Variants in SUGP1 observed in about 807,000 individuals in gnomAD.
SUGP1 encodes SURP and G-patch domain containing 1, also known as SURP and G-patch domain-containing protein 1.
A neutral mutation model predicts 76.5 loss-of-function variants in SUGP1; 34 were observed. That is an observed-to-expected ratio of 0.44 (90% CI 0.34 to 0.59). The LOEUF (loss-of-function observed/expected upper bound fraction) is 0.59, where lower values mean the gene tolerates loss of function less well. Among genes scored for constraint, SUGP1 ranks in the 20% least tolerant of loss-of-function variants. The pLI is 0.01. For synonymous variants in SUGP1, 326 were observed against 326.2 expected, an observed-to-expected ratio of 1.00 and a Z score of 0.01; for missense variants, 752 against 851.7, an observed-to-expected ratio of 0.88 and a Z score of 1.46.
At chr19:19,276,775 G>T in intron 13 of SUGP1, 101 bp from the exon 14 acceptor site, 1 of 1,580,540 alleles carries the variant, frequency 6.3e-7, no homozygotes, top group Non-Finnish European at 8.6e-7. Context: ...CCGCACCCTT[G>T]AGGTGGCAGG....
intron 8 of SUGP1, among the ~76,000 whole-genome samples, chr19:19,293,632 T>C (rs1264396062): frequency 5.9e-5 from 9 of 151,400 alleles, no homozygotes; most frequent in Non-Finnish European, 5.9e-5. Flanking sequence ...AAAGCCCATA[T>C]ATAAAAAACA....
chr19:19,303,937 G>GT (rs1418245825), intron 4 of SUGP1, 90 bp from the exon 5 acceptor site: 1 of 1,603,044 alleles, frequency 6.2e-7, no homozygotes, highest in Admixed American at 1.7e-5. Context: ...GACAGAGGGG[G>GT]TGGGGGGAGA....
intron 2 of SUGP1, 66 bp from the exon 3 acceptor site, chr19:19,310,266 G>A (rs2061344487): frequency 4.3e-6 from 5 of 1,164,474 alleles, no homozygotes; most frequent in African/African-American, 1.5e-5. Context: ...ACCAGAGGAC[G>A]AGGATGAGGA....
At chr19:19,280,123 G>T in intron 9 of SUGP1, 62 bp downstream of exon 9, 1 of 1,491,768 alleles carries the variant, frequency 6.7e-7, no homozygotes, top group Non-Finnish European at 9.3e-7. Context: ...GCACCCGGGG[G>T]TAGAGGACAA....
rs2061289615 is a variant in SUGP1, at chr19:19,303,543, G to C, written c.663-95C>G. On this transcript the variant is annotated intron_variant, in intron 5 of 13. Transcript: ENST00000247001. The stretch of plus-strand genomic sequence containing the variant: ...CTATCGTGCAAAAAAAGGCAGGCTG[G>C]CGAGCAGGGACCCGAAAGCAAGTCT... The C allele has an allele frequency of 2.9e-6, 4 of 1,373,560 alleles. No individual in the cohort carries two copies. In the South Asian group the frequency reaches 4.8e-5, roughly 16 times the overall value. 85.1% of individuals were successfully genotyped at this position (1,373,560 alleles called of 1,614,324 possible).
At chr19:19,316,932 G>A (rs907493842) in intron 1 of SUGP1, among the ~76,000 whole-genome samples, 1 of 152,146 alleles carries the variant, frequency 6.6e-6, no homozygotes, top group African/African-American at 2.4e-5. Flanking sequence ...GAGGTCAGGA[G>A]ATCGAGACCA....
At position 19,310,161 on chromosome 19, in the gene SUGP1, CTTG is replaced by C. The variant is rs1244654254; in HGVS notation, c.243_245del (p.Asn81del). The C allele has an allele frequency of 1.9e-6, 3 of 1,613,784 alleles. No individual in the cohort carries two copies. Among genetic ancestry groups the C allele is most frequent in the Non-Finnish European group, 2.5e-6 (3 of 1,179,748 alleles). ...GCAAGAAGCTACCATCGTTGGCAAA[CTTG>C]TTGGAAATGCAGGAAGAGTTGTGTG... is the stretch of plus-strand genomic sequence containing the variant. On this transcript the variant is annotated inframe_deletion, in exon 3 of 14. Coordinates refer to ENST00000247001, the MANE Select transcript of SUGP1 (RefSeq NM_172231.4).
Position 19,297,205 on chromosome 19 carries a change from G to A in SUGP1, c.1027C>T (p.Leu343=). ...GLKRKSPPEA[L]SGSLPPATTC... ...GTGGCTGGGGGTAAGGACCCTGACA[G>A]GGCCTCAGGAGGGGACTTGCGCTTC... The change falls in exon 8 of 14, where the codon CTG becomes TTG. Residue 343 remains leucine, a synonymous_variant. Transcript: ENST00000247001. The A allele has an allele frequency of 6.2e-7, 1 of 1,604,688 alleles. No individual in the cohort carries two copies. Among genetic ancestry groups the A allele is most frequent in the South Asian group, 1.1e-5 (1 of 90,628 alleles).
chr19:19,301,105 G>C (rs73539457), intron 7 of SUGP1, among the ~76,000 whole-genome samples: 2,176 of 152,286 alleles, frequency 0.014, 53 homozygotes, highest in African/African-American at 0.049. Flanking sequence ...GAGTGGACTA[G>C]TGATCCAACC....
At position 19,277,074 on chromosome 19, in the gene SUGP1, C is replaced by T; in HGVS notation, c.1784G>A (p.Gly595Asp). 2 of 1,609,140 alleles carry T rather than the reference C, an allele frequency of 1.2e-6. No homozygotes were observed. The highest frequency in any genetic ancestry group is 8.5e-7 in the Non-Finnish European group (1 of 1,179,306). The stretch of plus-strand genomic sequence containing the variant: ...GCCAGCGCCGTCCACTGTGGTGGTG[C>T]CCCTACAGGGAGAAGAGGATGTGAG... ...GQGIKNPVNK[G>D]TTTVDGAGFG... Residue 595 changes from glycine to aspartate, a missense_variant and splice_region_variant, in exon 13 of 14, where the codon GGC becomes GAC. Physicochemically the swap from Gly to Asp is moderately conservative, Grantham distance 94. Coordinates refer to ENST00000247001, the MANE Select transcript of SUGP1 (RefSeq NM_172231.4).
At chr19:19,293,763 C>T (rs905067124) in intron 8 of SUGP1, among the ~76,000 whole-genome samples, 2 of 152,128 alleles carry the variant, frequency 1.3e-5, no homozygotes, top group South Asian at 2.1e-4. Context: ...CCATTCAATA[C>T]GGTACTAGAA....
At chr19:19,283,108 AT>A (rs1342727313) in intron 8 of SUGP1, among the ~76,000 whole-genome samples, 1 of 152,098 alleles carries the variant, frequency 6.6e-6, no homozygotes, top group Admixed American at 6.6e-5. Flanking sequence ...GTGTCAATGA[AT>A]GTATAAGATA....
intron 8 of SUGP1, among the ~76,000 whole-genome samples, chr19:19,291,889 T>TCTCACACACACACA (rs1279126542): frequency 1.6e-5 from 2 of 128,636 alleles, no homozygotes; most frequent in Non-Finnish European, 3.2e-5. Flanking sequence ...TGAGACTCTG[T>TCTCACACACACACA]CACACACACA....
At chr19:19,282,967 C>T (rs2146594325) in intron 8 of SUGP1, among the ~76,000 whole-genome samples, 1 of 151,884 alleles carries the variant, frequency 6.6e-6, no homozygotes, top group East Asian at 2.0e-4. Flanking sequence ...GTCCCAGCTA[C>T]TTGGGAGGCT....
Position 19,303,029 on chromosome 19 carries a change from A to G in SUGP1, c.763+319T>C, listed in dbSNP as rs554450192. Among the ~76,000 whole-genome samples the G allele has an allele frequency of 7.9e-5, 12 of 152,280 alleles. 1 individual carries two copies. The South Asian group carries it at 1.4e-3, about 18-fold the overall frequency. ...TCATCAACACTTGTTAATGTAACAA[A>G]GAACCAACAAGCAAAAGCCCCCTCT... On this transcript the variant is annotated intron_variant, in intron 6 of 13. Transcript: ENST00000247001.
intron 2 of SUGP1, among the ~76,000 whole-genome samples, chr19:19,310,839 C>T (rs1321278236): frequency 1.3e-5 from 2 of 152,046 alleles, no homozygotes; most frequent in African/African-American, 4.8e-5. Flanking sequence ...GATGGGGTTT[C>T]GCTATGTTGG....
At chr19:19,282,089 C>G (rs921212851) in intron 8 of SUGP1, among the ~76,000 whole-genome samples, 29 of 152,192 alleles carry the variant, frequency 1.9e-4, no homozygotes, top group Non-Finnish European at 1.9e-4. Context: ...AAGCAATTCT[C>G]CTGCCTCAGC....
chr19:19,304,096 G>C, intron 4 of SUGP1: 3 of 1,397,376 alleles, frequency 2.1e-6, no homozygotes, highest in Admixed American at 4.5e-5. Context: ...CTGGAAGCTA[G>C]CAGAAAATAT....
chr19:19,297,020 C>T lies in SUGP1; in HGVS notation c.1212G>A (p.Arg404=). ...GAGGCGAGGGAGAGGCATCCACGTC[C>T]CTCTGCACCAGTTCAGCAGGTGGGA... The part of the protein sequence containing the change: ...VELPPAELVQ[R]DVDASPSPLS... The change falls in exon 8 of 14, where the codon AGG becomes AGA. Residue 404 remains arginine, a synonymous_variant. Transcript: ENST00000247001. The T allele has an allele frequency of 6.3e-7, 1 of 1,594,080 alleles. No homozygotes were observed. The highest frequency in any genetic ancestry group is 8.6e-7 in the Non-Finnish European group (1 of 1,165,654).
Sources: gnomAD v4.1 joint callset for allele counts (sites outside exome capture counted in the v4.1 genomes callset) on GRCh38, gnomAD v4.1.1 for gene constraint, MANE v1.5 for transcripts, NCBI Gene and HGNC (gene_info 2026-07-23, HGNC 2026-07-21) for gene names.